SEPTIN9: variants seen among roughly 807,000 people sequenced by gnomAD.
SEPTIN9 encodes the protein septin-9.
A neutral mutation model predicts 56.6 loss-of-function variants in SEPTIN9; 13 were observed. That is an observed-to-expected ratio of 0.23 (90% CI 0.15 to 0.37). The LOEUF is 0.37. Among genes scored for constraint, SEPTIN9 ranks in the 10% least tolerant of loss-of-function variants. SEPTIN9 has a pLI of 1.00. For synonymous variants in SEPTIN9, 332 were observed against 334.1 expected (o/e 0.99, Z 0.07); for missense variants, 650 against 823.1 (o/e 0.79, Z 2.57).
At position 77,466,054 on chromosome 17, in the gene SEPTIN9, T is replaced by TCACACACA. The variant is rs10599395; in HGVS notation, c.722-16044_722-16037dup. On this transcript the variant is annotated intron_variant, in intron 3 of 11. Coordinates refer to ENST00000427177, the MANE Select transcript of SEPTIN9 (RefSeq NM_001113491.2). Reference sequence around the variant, plus strand: ...TATAAGTTACCATGTTTCTGGACTGTCACACACACACACACACACACACAC... The same window carrying TCACACACA: ...TATAAGTTACCATGTTTCTGGACTGTCACACACACACACACACACACACACACACACAC... Among the ~76,000 whole-genome samples, 313 of 127,458 alleles carry TCACACACA rather than the reference T, an allele frequency of 2.5e-3. 3 individuals are homozygous for TCACACACA. Among genetic ancestry groups the TCACACACA allele is most frequent in the African/African-American group, 4.9e-3 (165 of 33,394 alleles). 83.6% of individuals were successfully genotyped at this position (127,458 alleles called of 152,430 possible).
At chr17:77,340,830 T>C (rs576189864) in intron 2 of SEPTIN9, among the ~76,000 whole-genome samples, 11 of 152,364 alleles carry the variant, frequency 7.2e-5, no homozygotes, top group African/African-American at 2.4e-4. Flanking sequence ...CACCTGCTGC[T>C]TCACCTTGCA....
chr17:77,350,497 A>G (rs757138571), intron 2 of SEPTIN9, among the ~76,000 whole-genome samples: 1 of 152,128 alleles, frequency 6.6e-6, no homozygotes, highest in African/African-American at 2.4e-5. Flanking sequence ...GAGTCAGGGT[A>G]GTGTCTTCTT....
intron 1 of SEPTIN9, among the ~76,000 whole-genome samples, chr17:77,304,524 G>T (rs1370818938): frequency 2.6e-5 from 4 of 152,128 alleles, no homozygotes; most frequent in Admixed American, 1.3e-4. Context: ...CTTTTGCCTG[G>T]TGCTAGGGGG....
intron 2 of SEPTIN9, among the ~76,000 whole-genome samples, chr17:77,388,721 C>T (rs1233141506): frequency 6.6e-6 from 1 of 151,686 alleles, no homozygotes; most frequent in Non-Finnish European, 1.5e-5. Flanking sequence ...GGGCAGAGGC[C>T]ATCGGCTGCC....
At chr17:77,358,774 T>C (rs2034330189) in intron 2 of SEPTIN9, among the ~76,000 whole-genome samples, 2 of 152,200 alleles carry the variant, frequency 1.3e-5, no homozygotes, top group Admixed American at 6.5e-5. Context: ...TGCCAGGGGC[T>C]CAGCGTATAA....
At chr17:77,355,087 G>A (rs2034186994) in intron 2 of SEPTIN9, among the ~76,000 whole-genome samples, 1 of 152,206 alleles carries the variant, frequency 6.6e-6, no homozygotes, top group African/African-American at 2.4e-5. Flanking sequence ...TGGATGATCT[G>A]TGCAGCTTAG....
At chr17:77,325,429 G>C (rs1002976586) in intron 2 of SEPTIN9, among the ~76,000 whole-genome samples, 1 of 152,176 alleles carries the variant, frequency 6.6e-6, no homozygotes, top group Non-Finnish European at 1.5e-5. Context: ...GGGAAGTCCC[G>C]GGCTGGGCCT....
In SEPTIN9 at chr17:77,372,426, G is replaced by A. The variant is rs138648048; in HGVS notation, c.77-29633G>A. Among the ~76,000 whole-genome samples the A allele has an allele frequency of 5.9e-5, 9 of 152,274 alleles. No homozygotes were observed. The East Asian group carries it at 1.7e-3, about 29-fold the overall frequency. On this transcript the variant is annotated intron_variant, in intron 2 of 11. Coordinates refer to ENST00000427177, the MANE Select transcript of SEPTIN9 (RefSeq NM_001113491.2). ...TATAGTTTAAGGGTAGAGACCGCTG[G>A]CCTGGAGGGAAGGCTAGGCCTCAGG...
intron 3 of SEPTIN9, among the ~76,000 whole-genome samples, chr17:77,465,798 T>C (rs905357298): frequency 1.4e-4 from 22 of 151,978 alleles, no homozygotes; most frequent in Admixed American, 5.9e-4. Context: ...CACTTGCAGC[T>C]AGTTGCAGCG....
In SEPTIN9 at chr17:77,453,277, C is replaced by G. The variant is rs1421700869; in HGVS notation, c.722-28867C>G. On this transcript the variant is annotated intron_variant, in intron 3 of 11. Transcript: ENST00000427177. The surrounding 1 kb of genome is among the most constrained non-coding windows in gnomAD (Gnocchi z 4.4). ...GGGCATAGTTGCAGGCAGAAGCCAT[C>G]AAGCACTGTGGTCAGACCAGCATTC... Among the ~76,000 whole-genome samples, 3 of 152,158 alleles carry G rather than the reference C, an allele frequency of 2.0e-5. No individual in the cohort carries two copies. The highest frequency in any genetic ancestry group is 4.4e-5 in the Non-Finnish European group (3 of 68,044).
chr17:77,437,587 C>A lies in SEPTIN9; in HGVS notation c.721+34884C>A, dbSNP rs2037388170. On this transcript the variant is annotated intron_variant, in intron 3 of 11. Coordinates refer to ENST00000427177, the MANE Select transcript of SEPTIN9 (RefSeq NM_001113491.2). This position sits in a 1 kb window ranked among gnomAD's most constrained non-coding sequence, Gnocchi z 5.3. The stretch of plus-strand genomic sequence containing the variant: ...ACCAGGTGAGGGCTTGTCGACTGCT[C>A]TGACCTCCTGATGCTTCTGGTGGGG... Among the ~76,000 whole-genome samples, 1 of 152,130 alleles carries A rather than the reference C, an allele frequency of 6.6e-6. No homozygotes were observed. Among genetic ancestry groups the A allele is most frequent in the Non-Finnish European group, 1.5e-5 (1 of 68,012 alleles).
chr17:77,499,353 C>G lies in SEPTIN9; in HGVS notation c.*695C>G, dbSNP rs2143500262. On this transcript the variant is annotated 3_prime_UTR_variant, in exon 12 of 12. Transcript: ENST00000427177. ...GGACAGGCTGGAATGAGGGAGGCGT[C>G]TTCATCTCCCTGCCATCCCCCTCTC... 1.7e-6 allele frequency: 1 copy of G among 586,578 alleles called. No individual in the cohort carries two copies. Among genetic ancestry groups the G allele is most frequent in the Non-Finnish European group, 3.3e-6 (1 of 304,122 alleles). The allele number at this position is 586,578 out of a possible 1,614,324, so 36.3% of individuals were successfully genotyped here.
chr17:77,324,197 C>A lies in SEPTIN9; in HGVS notation c.76+17000C>A, dbSNP rs574432889. On this transcript the variant is annotated intron_variant, in intron 2 of 11. Transcript: ENST00000427177. ...GACAGTCTTTCTCGGATTTAGGGCC[C>A]ACTGGGTAACCCAAAATGGTCCCAT... Among the ~76,000 whole-genome samples the A allele has an allele frequency of 1.5e-3, 229 of 152,344 alleles. 2 individuals carry two copies. Among genetic ancestry groups the A allele is most frequent in the Middle Eastern group, 0.014 (4 of 294 alleles).
intron 2 of SEPTIN9, among the ~76,000 whole-genome samples, chr17:77,392,103 T>C (rs2035561393): frequency 6.6e-6 from 1 of 152,168 alleles, no homozygotes; most frequent in African/African-American, 2.4e-5. Context: ...CTTGTTTATT[T>C]CTCTTGGCCT....
At chr17:77,360,186 G>A (rs2034370354) in intron 2 of SEPTIN9, among the ~76,000 whole-genome samples, 1 of 150,768 alleles carries the variant, frequency 6.6e-6, no homozygotes, top group Admixed American at 6.6e-5. Context: ...CAAACCCAGG[G>A]CCAGGTCTGT....
In SEPTIN9 at chr17:77,499,202, G is replaced by A. The variant is rs767345831; in HGVS notation, c.*544G>A. ...GCCCCTACCCCTGCCCTGCTCCTAA[G>A]GGTAGAAAACTCCAGGGTCCCCTGC... On this transcript the variant is annotated 3_prime_UTR_variant, in exon 12 of 12. Transcript: ENST00000427177. 3.6e-6 allele frequency: 2 copies of A among 556,878 alleles called. No homozygotes were observed. Among genetic ancestry groups the A allele is most frequent in the Admixed American group, 2.1e-5 (1 of 47,466 alleles). 34.5% of individuals were successfully genotyped at this position (556,878 alleles called of 1,614,324 possible).
At chr17:77,410,989 G>A (rs530588017) in intron 3 of SEPTIN9, among the ~76,000 whole-genome samples, 10 of 152,018 alleles carry the variant, frequency 6.6e-5, no homozygotes, top group Non-Finnish European at 1.0e-4. Flanking sequence ...GGAGGCTGAG[G>A]CAGGAGAATC....
intron 2 of SEPTIN9, among the ~76,000 whole-genome samples, chr17:77,351,094 T>TG (rs2083699719): frequency 6.6e-6 from 1 of 151,786 alleles, no homozygotes; most frequent in Non-Finnish European, 1.5e-5. Context: ...TGTATGCACT[T>TG]GCACATGTGT....
intron 2 of SEPTIN9, among the ~76,000 whole-genome samples, chr17:77,343,702 C>T (rs149564469): frequency 3.9e-5 from 6 of 152,316 alleles, no homozygotes; most frequent in Admixed American, 3.3e-4. Flanking sequence ...GGGATCTGCA[C>T]TAACTCTGGT....
Sources: gnomAD v4.1 joint callset for allele counts (sites outside exome capture counted in the v4.1 genomes callset) on GRCh38, gnomAD v4.1.1 for gene constraint, Gnocchi (gnomAD v3.1) non-coding constraint, MANE v1.5 for transcripts, NCBI Gene and HGNC (gene_info 2026-07-23, HGNC 2026-07-21) for gene names.